DNAH9: variants seen among roughly 807,000 people sequenced by gnomAD.
DNAH9 encodes the protein dynein axonemal heavy chain 9.
Under a neutral mutation model 471.6 loss-of-function variants are expected in DNAH9, and 345 were observed. That is an observed-to-expected ratio of 0.73 (90% CI 0.67 to 0.80). The LOEUF (loss-of-function observed/expected upper bound fraction) is 0.80, where lower values mean the gene tolerates loss of function less well. Ranked by LOEUF, DNAH9 falls within the 30% of genes least tolerant of loss-of-function variation. DNAH9 has a pLI of 0.00. For synonymous variants in DNAH9, 2,093 were observed against 2,123.6 expected (o/e 0.99, Z 0.40); for missense variants, 5,407 against 5,609.2 (o/e 0.96, Z 1.15).
At chr17:11,604,571 G>A (rs1395922106) in intron 1 of DNAH9, among the ~76,000 whole-genome samples, 2 of 152,024 alleles carry the variant, frequency 1.3e-5, no homozygotes, top group African/African-American at 4.8e-5. Flanking sequence ...ATTTTAACAT[G>A]TGCAAACAAA....
At chr17:11,926,035 G>GAAAAAAAAAAA (rs71142253) in intron 62 of DNAH9, among the ~76,000 whole-genome samples, 7 of 59,896 alleles carry the variant, frequency 1.2e-4, no homozygotes, top group East Asian at 1.2e-3. Flanking sequence ...GAGATTCTCT[G>GAAAAAAAAAAA]AAAAAAAAAA....
At position 11,705,177 on chromosome 17, in the gene DNAH9, G is replaced by A; in HGVS notation, c.5544G>A (p.Leu1848=). 6 of 1,614,016 alleles carry A rather than the reference G, an allele frequency of 3.7e-6. No homozygotes were observed. The highest frequency in any genetic ancestry group is 5.1e-6 in the Non-Finnish European group (6 of 1,179,904). The change falls in exon 26 of 69, where the codon TTG becomes TTA. Residue 1848 remains leucine (L), a synonymous_variant. Coordinates refer to ENST00000262442, the MANE Select transcript of DNAH9 (RefSeq NM_001372.4). ...GNTPRLVITP[L]TDRCYITLTQ... is the part of the protein sequence containing the mutation. The stretch of plus-strand genomic sequence containing the variant: ...CACCTCGCTTGGTGATCACACCTTT[G>A]ACTGACAGGTGAGCACTGGTGTCAA...
intron 61 of DNAH9, among the ~76,000 whole-genome samples, chr17:11,908,825 C>T (rs978388939): frequency 6.6e-6 from 1 of 152,164 alleles, no homozygotes. Flanking sequence ...GAGCCTTCCG[C>T]GGATGCCGGG....
chr17:11,742,511 A>G (rs778220808), intron 30 of DNAH9, among the ~76,000 whole-genome samples, 198 bp downstream of exon 30: 1 of 152,212 alleles, frequency 6.6e-6, no homozygotes, highest in Non-Finnish European at 1.5e-5. Context: ...ATTTTTCAAA[A>G]TTAACCTCAA....
chr17:11,902,353 A>T (rs1973441852), intron 59 of DNAH9, among the ~76,000 whole-genome samples: 1 of 152,324 alleles, frequency 6.6e-6, no homozygotes, highest in Middle Eastern at 3.4e-3. Context: ...AGTGAGTTTG[A>T]GGAGGAAAGG....
At chr17:11,761,847 A>G (rs1967682625) in intron 35 of DNAH9, among the ~76,000 whole-genome samples, 1 of 152,028 alleles carries the variant, frequency 6.6e-6, no homozygotes, top group South Asian at 2.1e-4. Context: ...TCTGATTGCT[A>G]ATTTCCAGGC....
intron 60 of DNAH9, 48 bp downstream of exon 60, chr17:11,902,960 C>A (rs1162438361): frequency 6.4e-7 from 1 of 1,574,228 alleles, no homozygotes; most frequent in Non-Finnish European, 8.6e-7. Flanking sequence ...GGGGCAAGGG[C>A]AACCTCAGGA....
At position 11,833,753 on chromosome 17, in the gene DNAH9, T is replaced by A. The variant is rs555858194; in HGVS notation, c.9247-885T>A. On this transcript the variant is annotated intron_variant, in intron 48 of 68. Coordinates refer to ENST00000262442, the MANE Select transcript of DNAH9 (RefSeq NM_001372.4). ...TGGTTATTGTAGAAAAAGGGTTGGT[T>A]CCTAAGCAGGTTGCTTCAGATTATG... is the stretch of plus-strand genomic sequence containing the variant. Among the ~76,000 whole-genome samples, 3 of 152,308 alleles carry A rather than the reference T, an allele frequency of 2.0e-5. No homozygotes were observed. In the South Asian group the frequency reaches 6.2e-4, roughly 32 times the overall value.
At chr17:11,720,326 G>T (rs903139668) in intron 27 of DNAH9, among the ~76,000 whole-genome samples, 5 of 151,106 alleles carry the variant, frequency 3.3e-5, no homozygotes, top group Admixed American at 1.3e-4. Flanking sequence ...GTATACATGT[G>T]CCATGTTGGT....
chr17:11,689,408 C>G (rs1181553392), intron 19 of DNAH9, among the ~76,000 whole-genome samples, 158 bp from the exon 20 acceptor site: 4 of 150,910 alleles, frequency 2.7e-5, no homozygotes, highest in African/African-American at 9.8e-5. Flanking sequence ...GAAGAAAAGA[C>G]ATTATTTGCT....
At chr17:11,618,843 G>A (rs575337240) in intron 5 of DNAH9, among the ~76,000 whole-genome samples, 2 of 152,226 alleles carry the variant, frequency 1.3e-5, no homozygotes, top group East Asian at 3.9e-4. Context: ...ACTGTTCAAG[G>A]AGGTTAACTG....
chr17:11,843,857 G>GTATATATATATATA (rs1341485444), intron 49 of DNAH9, among the ~76,000 whole-genome samples: 5 of 9,302 alleles, frequency 5.4e-4, no homozygotes, highest in Admixed American at 2.1e-3. Context: ...GTGTGTGTGT[G>GTATATATATATATA]TGTGTGTATA....
At chr17:11,708,008 C>CAGAGAG (rs1567737016) in intron 26 of DNAH9, among the ~76,000 whole-genome samples, 23 of 47,226 alleles carry the variant, frequency 4.9e-4, no homozygotes, top group East Asian at 3.0e-3. Context: ...CACACACACA[C>CAGAGAG]ACACACAGAG....
At chr17:11,633,546 C>G (rs2150675880) in intron 8 of DNAH9, among the ~76,000 whole-genome samples, 1 of 152,342 alleles carries the variant, frequency 6.6e-6, no homozygotes, top group East Asian at 1.9e-4. Flanking sequence ...ATGCGGCAGG[C>G]TCCATTAGCC....
Position 11,598,798 on chromosome 17 carries a change from G to T in DNAH9, c.300G>T (p.Ala100=). 1 of 1,479,566 alleles carries T rather than the reference G, an allele frequency of 6.8e-7. No individual in the cohort carries two copies. Among genetic ancestry groups the T allele is most frequent in the Non-Finnish European group, 8.9e-7 (1 of 1,118,720 alleles). The allele number at this position is 1,479,566 out of a possible 1,614,324, so 91.7% of individuals were successfully genotyped here. ...AGTCGGGCCTGGCTGGCGCTAAGGC[G>T]CTTTTTTTCCTTCGCACCGGGCCCG... ...GPESGLAGAK[A]LFFLRTGPEP... Residue 100 remains alanine, a synonymous_variant, in exon 1 of 69, where the codon GCG becomes GCT. Transcript: ENST00000262442.
In DNAH9 at chr17:11,644,661, G is replaced by A; in HGVS notation, c.1932G>A (p.Met644Ile). The A allele has an allele frequency of 6.2e-7, 1 of 1,612,998 alleles. No individual in the cohort carries two copies. Among genetic ancestry groups the A allele is most frequent in the African/African-American group, 1.3e-5 (1 of 75,006 alleles). ...PCMESAEGKRMQQKYEDMLSL... is the reference protein window; with the variant it reads ...PCMESAEGKRIQQKYEDMLSL... ...TGGAATCTGCAGAAGGAAAGCGAAT[G>A]CAACAAAAATATGAAGATATGCTGT... The change falls in exon 11 of 69, where the codon ATG becomes ATA. Residue 644 changes from methionine to isoleucine, a missense_variant. Physicochemically the swap from Met to Ile is conservative, Grantham distance 10 (BLOSUM62 1). Coordinates refer to ENST00000262442, the MANE Select transcript of DNAH9 (RefSeq NM_001372.4).
chr17:11,887,674 C>A (rs1972918765), intron 57 of DNAH9, among the ~76,000 whole-genome samples: 2 of 152,086 alleles, frequency 1.3e-5, no homozygotes, highest in Non-Finnish European at 2.9e-5. Flanking sequence ...CATATACACA[C>A]AGAGAAACAG....
At position 11,623,037 on chromosome 17, in the gene DNAH9, A is replaced by G. The variant is rs1279886016; in HGVS notation, c.1350+3256A>G. 8.2e-5 allele frequency among the ~76,000 whole-genome samples: 12 copies of G among 146,884 alleles called. No individual in the cohort carries two copies. Among genetic ancestry groups the G allele is most frequent in the African/African-American group, 2.5e-4 (10 of 39,772 alleles). On this transcript the variant is annotated intron_variant, in intron 6 of 68. Coordinates refer to ENST00000262442, the MANE Select transcript of DNAH9 (RefSeq NM_001372.4). This position sits in a 1 kb window ranked among gnomAD's most constrained non-coding sequence, Gnocchi z 4.1. ...TGCCCAGGCTGGAGTGCAGTGGCAC[A>G]ATCTCGGCTCACGACAACCTCTGCC...
At chr17:11,698,213 A>AATATATAATAT (rs1356396635) in intron 22 of DNAH9, among the ~76,000 whole-genome samples, 3 of 24,062 alleles carry the variant, frequency 1.2e-4, no homozygotes, top group Admixed American at 6.2e-4. Context: ...TTAATAATAT[A>AATATATAATAT]ATTATATTAA....
Sources: allele counts gnomAD v4.1 joint callset (sites outside exome capture counted in the v4.1 genomes callset), GRCh38; gene constraint gnomAD v4.1.1; non-coding constraint Gnocchi (gnomAD v3.1); transcripts MANE v1.5; gene names NCBI Gene and HGNC (gene_info 2026-07-23, HGNC 2026-07-21).